The following LAS1L variants were observed in gnomAD, a reference collection of about 807,000 sequenced individuals.
LAS1L encodes the protein ribosomal biogenesis protein LAS1L.
Under a neutral mutation model 57.3 loss-of-function variants are expected in LAS1L, and 5 were observed. The ratio of observed to expected loss-of-function variants is 0.09; its 90% CI spans 0.05 to 0.18. LAS1L has a LOEUF of 0.18. Among genes scored for constraint, LAS1L ranks in the 10% least tolerant of loss-of-function variants. The pLI, the probability that LAS1L is intolerant of heterozygous loss-of-function variation, is 1.00. For synonymous variants in LAS1L, 245 were observed against 231.7 expected (o/e 1.06, Z -0.52); for missense variants, 360 against 568.3 (o/e 0.63, Z 3.73).
intron 12 of LAS1L, among the ~76,000 whole-genome samples, chrX:65,517,754 C>G (rs2068703243): frequency 8.9e-6 from 1 of 112,702 alleles, no homozygotes; most frequent in Non-Finnish European, 1.9e-5. Context: ...GTCATCCTCT[C>G]AGAATGTGCT....
At chrX:65,524,402 C>T in intron 9 of LAS1L, 140 bp from the exon 10 acceptor site, 1 of 520,249 alleles carries the variant, frequency 1.9e-6, no homozygotes, top group Non-Finnish European at 3.4e-6. Flanking sequence ...GAGCCAAGCC[C>T]CCCACCAACA....
intron 3 of LAS1L, among the ~76,000 whole-genome samples, chrX:65,532,274 G>A (rs987736066): frequency 8.9e-6 from 1 of 112,693 alleles, no homozygotes; most frequent in Admixed American, 9.4e-5. Context: ...TCAGCTCCAT[G>A]AGGGCAGGTG....
intron 11 of LAS1L, among the ~76,000 whole-genome samples, chrX:65,520,086 G>A (rs1275814408): frequency 9.0e-6 from 1 of 111,730 alleles, no homozygotes; most frequent in Non-Finnish European, 1.9e-5. Flanking sequence ...TTACCCACCT[G>A]CTATCTCGAA....
intron 4 of LAS1L, 30 bp from the exon 5 acceptor site, chrX:65,529,908 G>C: frequency 8.4e-7 from 1 of 1,188,215 alleles, no homozygotes; most frequent in East Asian, 3.0e-5. Flanking sequence ...CAGTGCCACA[G>C]GATCAGGCAG....
chrX:65,528,214 C>A, intron 7 of LAS1L, 46 bp downstream of exon 7: 2 of 827,610 alleles, frequency 2.4e-6, no homozygotes, highest in Non-Finnish European at 3.6e-6. Context: ...AGGCTGCTAC[C>A]CTCTATCCTA....
chrX:65,534,425 G>T (rs781637118), intron 1 of LAS1L, 55 bp downstream of exon 1: 3 of 938,292 alleles, frequency 3.2e-6, no homozygotes, highest in Admixed American at 2.8e-5. Flanking sequence ...CTCGACAAAG[G>T]AAGAGGTGCA....
intron 7 of LAS1L, among the ~76,000 whole-genome samples, chrX:65,528,057 G>C (rs2069261664): frequency 9.0e-6 from 1 of 111,371 alleles, no homozygotes; most frequent in Non-Finnish European, 1.9e-5. Context: ...GGCCATTCTA[G>C]TATAGGCAAC....
chrX:65,523,506 C>T, intron 11 of LAS1L, 54 bp downstream of exon 11: 2 of 1,101,685 alleles, frequency 1.8e-6, no homozygotes, highest in Non-Finnish European at 2.4e-6. Context: ...GGCAGTGTGG[C>T]CCTGAGGCTT....
chrX:65,522,273 G>A (rs1368607015), intron 11 of LAS1L: 2 of 110,299 alleles, frequency 1.8e-5, no homozygotes, highest in Non-Finnish European at 3.8e-5. Context: ...ATGCCTCCAT[G>A]TGCTCGAGGA....
At chrX:65,530,380 C>A (rs996081885) in intron 4 of LAS1L, among the ~76,000 whole-genome samples, 4 of 111,808 alleles carry the variant, frequency 3.6e-5, no homozygotes, top group African/African-American at 9.8e-5. Flanking sequence ...ACCTGAGAAA[C>A]AACATTTAAG....
intron 12 of LAS1L, among the ~76,000 whole-genome samples, chrX:65,516,441 A>T (rs185377978): frequency 1.4e-4 from 15 of 110,682 alleles, no homozygotes; most frequent in Middle Eastern, 4.7e-3. Context: ...CATACAGGCC[A>T]TCTCTGGATG....
chrX:65,525,765 A>AAAAAAAAAAAAAAAAAAAAAAAG (rs1556309415), intron 7 of LAS1L, among the ~76,000 whole-genome samples: 1 of 107,513 alleles, frequency 9.3e-6, no homozygotes, highest in African/African-American at 3.6e-5. Flanking sequence ...AAAAAAAAAA[A>AAAAAAAAAAAAAAAAAAAAAAAG]AAAGAAAGAA....
intron 7 of LAS1L, among the ~76,000 whole-genome samples, chrX:65,526,207 G>A (rs1449549130): frequency 8.9e-6 from 1 of 111,743 alleles, no homozygotes; most frequent in African/African-American, 3.3e-5. Flanking sequence ...AGAAGCATGA[G>A]ACAAACAAAC....
In LAS1L at chrX:65,533,636, T is replaced by C. The variant is rs753383312; in HGVS notation, c.336A>G (p.Arg112=). 8.3e-7 allele frequency: 1 copy of C among 1,208,342 alleles called. No homozygotes were observed. Among genetic ancestry groups the C allele is most frequent in the African/African-American group, 1.8e-5 (1 of 56,771 alleles). The change falls in exon 2 of 14, where the codon AGA becomes AGG. Residue 112 remains arginine, a synonymous_variant. Transcript: ENST00000374811. ...VTGGLGTDEL[R]LLYGMALVRF... is the part of the protein sequence containing the mutation. ...TGACCAATGCCATGCCATAGAGCAG[T>C]CTAAGTTCATCAGTGCCCAAGCCAC...
At chrX:65,518,919 G>T (rs2068743986) in intron 11 of LAS1L, 1 of 752,755 alleles carries the variant, frequency 1.3e-6, no homozygotes, top group African/African-American at 2.3e-5. Context: ...CCAAGGATAT[G>T]CCTGGAAGTG....
At chrX:65,518,727 TAAG>T in intron 11 of LAS1L, 1 of 610,435 alleles carries the variant, frequency 1.6e-6, no homozygotes, top group Non-Finnish European at 2.0e-6. Flanking sequence ...GAGGAGTAAA[TAAG>T]AAAGCTCACA....
chrX:65,527,057 C>G (rs1226205987), intron 7 of LAS1L, among the ~76,000 whole-genome samples: 1 of 103,231 alleles, frequency 9.7e-6, no homozygotes, highest in Non-Finnish European at 2.0e-5. Flanking sequence ...ACTAAAAATA[C>G]AAAAATTAGC....
chrX:65,516,607 T>C (rs1409832097), intron 12 of LAS1L, among the ~76,000 whole-genome samples: 1 of 104,081 alleles, frequency 9.6e-6, no homozygotes. Flanking sequence ...GGCCATGACT[T>C]AACTGCCCCT....
Position 65,533,747 on chromosome X carries a change from C to G in LAS1L, c.237-12G>C. Reference sequence around the variant, plus strand: ...GTTCGTTGCCTGACCTAAAGGGTCACAGTCCAGCACCATCATAAAGAGCCC... The same window carrying G: ...GTTCGTTGCCTGACCTAAAGGGTCAGAGTCCAGCACCATCATAAAGAGCCC... On this transcript the variant is annotated splice_polypyrimidine_tract_variant and intron_variant, in intron 1 of 13. Transcript: ENST00000374811. 3.3e-6 allele frequency: 4 copies of G among 1,209,432 alleles called. No homozygotes were observed. Among genetic ancestry groups the G allele is most frequent in the Non-Finnish European group, 4.5e-6 (4 of 894,015 alleles).
Sources: gnomAD v4.1 joint callset for allele counts (sites outside exome capture counted in the v4.1 genomes callset) on GRCh38, gnomAD v4.1.1 for gene constraint, MANE v1.5 for transcripts, NCBI Gene and HGNC (gene_info 2026-07-23, HGNC 2026-07-21) for gene names.